The following PPP6C variants were observed in gnomAD, a reference collection of about 807,000 sequenced individuals.
PPP6C encodes serine/threonine-protein phosphatase 6 catalytic subunit.
In PPP6C, 11 loss-of-function variants were observed where a neutral mutation model predicts 39.8. The observed-to-expected ratio is 0.28, with a 90% CI of 0.17 to 0.46. The LOEUF (loss-of-function observed/expected upper bound fraction) is 0.46. Ranked by LOEUF, PPP6C falls within the 20% of genes least tolerant of loss-of-function variation. The pLI, the probability that PPP6C is intolerant of heterozygous loss-of-function variation, is 1.00. For synonymous variants in PPP6C, 129 were observed against 130.3 expected (o/e 0.99, Z 0.07); for missense variants, 211 against 373.9 (o/e 0.56, Z 3.59).
chr9:125,154,004 G>A lies in PPP6C; in HGVS notation c.380-19C>T. On this transcript the variant is annotated intron_variant, in intron 4 of 6. Transcript: ENST00000373547. ...CACTCATCTGTGAAAGAAACAGAAG[G>A]GTTTTAATTAATGAATCTGCTAATA... 1.9e-6 allele frequency: 3 copies of A among 1,538,788 alleles called. No homozygotes were observed. The highest frequency in any genetic ancestry group is 3.4e-5 in the Admixed American group (2 of 58,282).
intron 1 of PPP6C, among the ~76,000 whole-genome samples, chr9:125,175,934 A>C (rs1350906546): frequency 6.6e-6 from 1 of 152,214 alleles, no homozygotes; most frequent in Non-Finnish European, 1.5e-5. Context: ...TAAATAAGTA[A>C]AATATATAAC....
intron 1 of PPP6C, among the ~76,000 whole-genome samples, chr9:125,174,053 C>T (rs1422367267): frequency 6.6e-6 from 1 of 152,154 alleles, no homozygotes; most frequent in Non-Finnish European, 1.5e-5. Flanking sequence ...AGTATACATC[C>T]CTGCTATATA....
At chr9:125,179,203 G>A (rs1179386909) in intron 1 of PPP6C, among the ~76,000 whole-genome samples, 1 of 60,870 alleles carries the variant, frequency 1.6e-5, no homozygotes, top group African/African-American at 6.4e-5. Context: ...CAACAAGAGC[G>A]AAACTCCATC....
At chr9:125,151,039 CA>C (rs1002868419) in intron 6 of PPP6C, 19 of 1,372,212 alleles carry the variant, frequency 1.4e-5, no homozygotes, top group Non-Finnish European at 1.9e-5. Context: ...ACATGCTTCT[CA>C]AATTCAGGGC....
intron 2 of PPP6C, 44 bp downstream of exon 2, chr9:125,171,041 T>A: frequency 7.5e-7 from 1 of 1,337,422 alleles, no homozygotes; most frequent in Non-Finnish European, 1.0e-6. Flanking sequence ...CACACATGGA[T>A]CATGGACAGT....
chr9:125,182,135 C>T (rs1829433417), intron 1 of PPP6C, among the ~76,000 whole-genome samples: 1 of 152,162 alleles, frequency 6.6e-6, no homozygotes, highest in Non-Finnish European at 1.5e-5. Context: ...TCTTAGCAGA[C>T]CTCTATGTCT....
intron 1 of PPP6C, among the ~76,000 whole-genome samples, chr9:125,175,474 T>TA (rs979757753): frequency 3.4e-4 from 51 of 149,334 alleles, no homozygotes; most frequent in East Asian, 5.9e-4. Context: ...CCGTCTCTAC[T>TA]AAAAAAAAAT....
intron 4 of PPP6C, among the ~76,000 whole-genome samples, chr9:125,156,483 A>T (rs1451440868): frequency 1.3e-5 from 2 of 152,152 alleles, no homozygotes; most frequent in Non-Finnish European, 2.9e-5. Context: ...CATGTTGGCC[A>T]AGATGGTCTC....
rs1240039448 is a variant in PPP6C, at chr9:125,160,543, G to GTC, written c.237+296_237+297dup. On this transcript the variant is annotated intron_variant, in intron 3 of 6. Transcript: ENST00000373547. ...TTTAAAAACAAGAGATCCCTGCACA[G>GTC]TCTCTCTCTCTTTGCCTGCCGCCAT... is the stretch of plus-strand genomic sequence containing the variant. 4.6e-5 allele frequency among the ~76,000 whole-genome samples: 7 copies of GTC among 152,234 alleles called. No individual in the cohort carries two copies. The East Asian group carries it at 9.7e-4, about 21-fold the overall frequency.
chr9:125,154,712 T>C (rs1391189766), intron 4 of PPP6C, among the ~76,000 whole-genome samples: 1 of 152,194 alleles, frequency 6.6e-6, no homozygotes, highest in African/African-American at 2.4e-5. Flanking sequence ...TCAAACAAAT[T>C]AGAGGATCCT....
At chr9:125,167,381 AAAAAAAAAAAAAAAAAAAGAAAT>A (rs1299482194) in intron 2 of PPP6C, among the ~76,000 whole-genome samples, 1 of 119,276 alleles carries the variant, frequency 8.4e-6, no homozygotes, top group African/African-American at 3.2e-5. Context: ...ACCCTGTCCA[AAAAAAAAAAAAAAAAAAAGAAAT>A]AAAAAAAAGG....
chr9:125,154,044 A>T (rs1217131268), intron 4 of PPP6C, 59 bp from the exon 5 acceptor site: 6 of 1,267,978 alleles, frequency 4.7e-6, no homozygotes, highest in African/African-American at 1.5e-5. Flanking sequence ...TAAACAATAT[A>T]TCCAATACTA....
At chr9:125,151,711 A>C in intron 6 of PPP6C, 1 of 324,386 alleles carries the variant, frequency 3.1e-6, no homozygotes, top group Non-Finnish European at 6.2e-6. Flanking sequence ...TCTATATCCC[A>C]CATCAGGTAT....
intron 1 of PPP6C, among the ~76,000 whole-genome samples, chr9:125,188,301 C>T (rs1829575539): frequency 6.6e-6 from 1 of 152,060 alleles, no homozygotes; most frequent in South Asian, 2.1e-4. Flanking sequence ...AGGAGAATGG[C>T]GTGAACCCGG....
intron 2 of PPP6C, among the ~76,000 whole-genome samples, chr9:125,164,382 A>G (rs1270201704): frequency 2.0e-5 from 3 of 150,846 alleles, no homozygotes; most frequent in Non-Finnish European, 1.5e-5. Context: ...ACGTGCCACT[A>G]CACCTGCCTA....
chr9:125,171,215 T>C, intron 1 of PPP6C, 35 bp from the exon 2 acceptor site: 1 of 1,446,130 alleles, frequency 6.9e-7, no homozygotes, highest in Non-Finnish European at 9.5e-7. Flanking sequence ...AAACATTTAC[T>C]ACAACATTAA....
chr9:125,150,962 T>G, intron 6 of PPP6C: 1 of 1,276,748 alleles, frequency 7.8e-7, no homozygotes. Context: ...CAGGTGACAA[T>G]CTCAGCCAAG....
chr9:125,155,983 TTACA>T (rs1253414980), intron 4 of PPP6C, among the ~76,000 whole-genome samples: 1 of 152,028 alleles, frequency 6.6e-6, no homozygotes, highest in Non-Finnish European at 1.5e-5. Flanking sequence ...GTAGCATTAG[TTACA>T]TATATATAGT....
At chr9:125,185,919 A>G (rs1829520451) in intron 1 of PPP6C, among the ~76,000 whole-genome samples, 1 of 152,034 alleles carries the variant, frequency 6.6e-6, no homozygotes, top group Admixed American at 6.5e-5. Flanking sequence ...CGGGAGGCAG[A>G]GGTTGCAGTG....
Sources: gnomAD v4.1 joint callset for allele counts (sites outside exome capture counted in the v4.1 genomes callset) on GRCh38, gnomAD v4.1.1 for gene constraint, MANE v1.5 for transcripts, NCBI Gene and HGNC (gene_info 2026-07-23, HGNC 2026-07-21) for gene names.